The following VCAN variants were observed in gnomAD, a reference collection of about 807,000 sequenced individuals.
The protein encoded by VCAN is versican core protein.
In VCAN, 44 loss-of-function variants were observed where a neutral mutation model predicts 245.5. That is an observed-to-expected ratio of 0.18 (90% CI 0.14 to 0.23). The LOEUF is 0.23. Among genes scored for constraint, VCAN ranks in the 10% least tolerant of loss-of-function variants. VCAN has a pLI of 1.00. For synonymous variants in VCAN, 1,413 were observed against 1,437.0 expected, an observed-to-expected ratio of 0.98 and a Z score of 0.38; for missense variants, 3,793 against 4,057.9, an observed-to-expected ratio of 0.93 and a Z score of 1.77.
chr5:83,514,805 A>C (rs1045878998), intron 6 of VCAN, among the ~76,000 whole-genome samples: 1 of 152,104 alleles, frequency 6.6e-6, no homozygotes, highest in African/African-American at 2.4e-5. Context: ...AAAATGACTT[A>C]ATTGATGTCC....
chr5:83,581,418 G>GCATACATAA lies in VCAN; in HGVS notation c.*985_*993dup, dbSNP rs528925402. The GCATACATAA allele has an allele frequency of 6.2e-4, 94 of 151,466 alleles. No individual in the cohort carries two copies. Among genetic ancestry groups the GCATACATAA allele is most frequent in the African/African-American group, 2.2e-3 (90 of 41,246 alleles). 9.4% of individuals were successfully genotyped at this position (151,466 alleles called of 1,614,324 possible). A position where few individuals can be genotyped will look rare whatever the true frequency, so the allele number is the denominator to read the frequency against. On this transcript the variant is annotated 3_prime_UTR_variant, in exon 15 of 15. Coordinates refer to ENST00000265077, the MANE Select transcript of VCAN (RefSeq NM_004385.5). ...CATGTATGAATGCTGCAGCTGTGAA[G>GCATACATAA]CATACATAAATAAATGAAGTAAGCC...
chr5:83,490,258 T>C lies in VCAN; in HGVS notation c.231T>C (p.Asp77=), dbSNP rs764219060. ...SKIEVDKNGK[D]LKETTVLVAQ... is the part of the protein sequence containing the mutation. ...TTGAAGTGGACAAAAATGGAAAAGA[T>C]TTGAAAGAGACTACTGTCCTTGTGG... Residue 77 remains aspartate (D), a synonymous_variant, in exon 3 of 15, where the codon GAT becomes GAC. Transcript: ENST00000265077. 11 of 1,614,134 alleles carry C rather than the reference T, an allele frequency of 6.8e-6. No homozygotes were observed. Among genetic ancestry groups the C allele is most frequent in the African/African-American group, 1.3e-5 (1 of 75,034 alleles).
At chr5:83,517,968 A>G (rs1745921409) in intron 6 of VCAN, among the ~76,000 whole-genome samples, 1 of 152,182 alleles carries the variant, frequency 6.6e-6, no homozygotes, top group African/African-American at 2.4e-5. Flanking sequence ...ACATCATTTT[A>G]TGATTAAGTT....
At chr5:83,507,049 CAG>C (rs1235210569) in intron 5 of VCAN, among the ~76,000 whole-genome samples, 17 of 152,288 alleles carry the variant, frequency 1.1e-4, no homozygotes, top group East Asian at 3.9e-4. Context: ...GGTGGGGACA[CAG>C]CCAAATCATA....
Position 83,582,256 on chromosome 5 carries a change from T to C in VCAN, c.*1822T>C, listed in dbSNP as rs1333107122. The C allele has an allele frequency of 6.6e-6, 1 of 152,196 alleles. No homozygotes were observed. Among genetic ancestry groups the C allele is most frequent in the Non-Finnish European group, 1.5e-5 (1 of 68,030 alleles). 9.4% of individuals were successfully genotyped at this position (152,196 alleles called of 1,614,324 possible). A position where few individuals can be genotyped will look rare whatever the true frequency, so the allele number is the denominator to read the frequency against. On this transcript the variant is annotated 3_prime_UTR_variant, in exon 15 of 15. Transcript: ENST00000265077. ...TCTAAAATCTTTGTAACTTTTTATA[T>C]CTGCTTTTGTTTCACCAAAGAAACC... is the stretch of plus-strand genomic sequence containing the variant.
Position 83,520,202 on chromosome 5 carries a change from G to C in VCAN, c.1896G>C (p.Thr632=). The part of the protein sequence containing the change: ...WEERQTSGRI[T]EEFLGKYLST... ...AGAGACAAACTAGTGGTAGGATAAC[G>C]GAAGAGTTTCTTGGCAAATATCTGT... The change falls in exon 7 of 15, where the codon ACG becomes ACC. Residue 632 remains threonine, a synonymous_variant. Transcript: ENST00000265077. The C allele has an allele frequency of 6.2e-7, 1 of 1,613,956 alleles. No individual in the cohort carries two copies. The highest frequency in any genetic ancestry group is 8.5e-7 in the Non-Finnish European group (1 of 1,179,940).
chr5:83,533,784 T>C, intron 7 of VCAN, among the ~76,000 whole-genome samples: 1 of 152,134 alleles, frequency 6.6e-6, no homozygotes, highest in East Asian at 1.9e-4. Flanking sequence ...TAGTCTAAAA[T>C]GGCAAGGAAG....
In VCAN at chr5:83,538,920, A is replaced by G. The variant is rs1425874327; in HGVS notation, c.5917A>G (p.Thr1973Ala). ...TAGGGACACCCAGACTTCACCATCT[A>G]CAGTACCTACTTCAGTTCACATCAG... ...AFRDTQTSPS[T>A]VPTSVHISHI... The change falls in exon 8 of 15, where the codon ACA becomes GCA. Residue 1973 changes from threonine (T) to alanine (A), a missense_variant. Around this residue, in one of 5 missense-constraint regions of VCAN, gnomAD observed 3,182 missense variants for 3,250.3 expected, o/e 0.98. Coordinates refer to ENST00000265077, the MANE Select transcript of VCAN (RefSeq NM_004385.5). 1 of 1,613,994 alleles carries G rather than the reference A, an allele frequency of 6.2e-7. No individual in the cohort carries two copies. Among genetic ancestry groups the G allele is most frequent in the Admixed American group, 1.7e-5 (1 of 59,970 alleles).
intron 2 of VCAN, among the ~76,000 whole-genome samples, chr5:83,489,477 G>A (rs1744897801): frequency 6.6e-6 from 1 of 152,184 alleles, no homozygotes; most frequent in African/African-American, 2.4e-5. Context: ...TGAAGGTAAT[G>A]TCTCACTGCA....
chr5:83,544,031 T>C (rs1346445847), intron 8 of VCAN, among the ~76,000 whole-genome samples: 1 of 152,226 alleles, frequency 6.6e-6, no homozygotes, highest in Admixed American at 6.5e-5. Context: ...GTGTCAGTGG[T>C]AGGAATAGTA....
intron 10 of VCAN, among the ~76,000 whole-genome samples, chr5:83,549,442 G>A (rs1468687676): frequency 6.6e-6 from 1 of 152,178 alleles, no homozygotes. Flanking sequence ...GAAAAAAAGT[G>A]ATGTGTTTAA....
At chr5:83,566,954 T>C (rs1748103018) in intron 12 of VCAN, among the ~76,000 whole-genome samples, 1 of 152,222 alleles carries the variant, frequency 6.6e-6, no homozygotes. Flanking sequence ...CTCTAGTTTG[T>C]GAAGAGAAAC....
chr5:83,565,906 G>GAAA (rs34205964), intron 12 of VCAN, among the ~76,000 whole-genome samples: 11 of 147,900 alleles, frequency 7.4e-5, no homozygotes, highest in Non-Finnish European at 9.0e-5. Flanking sequence ...TTAACACAAG[G>GAAA]AAAAAAAAAC....
At chr5:83,547,879 C>T (rs1020340312) in intron 9 of VCAN, 92 bp from the exon 10 acceptor site, 10 of 854,600 alleles carry the variant, frequency 1.2e-5, no homozygotes, top group Non-Finnish European at 1.8e-5. Flanking sequence ...ATTTAACTGG[C>T]TGTCTTGTAT....
At chr5:83,513,705 G>A (rs1442312755) in intron 6 of VCAN, among the ~76,000 whole-genome samples, 1 of 152,094 alleles carries the variant, frequency 6.6e-6, no homozygotes, top group African/African-American at 2.4e-5. Context: ...AACAACAATA[G>A]CATAAACCTT....
chr5:83,547,763 A>T (rs1036727711), intron 9 of VCAN, among the ~76,000 whole-genome samples: 22 of 152,316 alleles, frequency 1.4e-4, no homozygotes, highest in African/African-American at 5.1e-4. Flanking sequence ...CTTATATTTG[A>T]GTTTCAAGTA....
At position 83,541,550 on chromosome 5, in the gene VCAN, G is replaced by C; in HGVS notation, c.8547G>C (p.Leu2849=). 1 of 1,613,824 alleles carries C rather than the reference G, an allele frequency of 6.2e-7. No individual in the cohort carries two copies. The highest frequency in any genetic ancestry group is 8.5e-7 in the Non-Finnish European group (1 of 1,179,984). ...CAGAGATCCCCCAGCCCAGTGCTCT[G>C]CCAGGAATAGACGTCGGCTCATCTG... ...GHTEIPQPSA[L]PGIDVGSSVM... The change falls in exon 8 of 15, where the codon CTG becomes CTC. Residue 2849 remains leucine, a synonymous_variant. Transcript: ENST00000265077.
Position 83,539,636 on chromosome 5 carries a change from A to G in VCAN, c.6633A>G (p.Leu2211=). ...CACATTTTTTCTTAGCTACTGCATT[A>G]GTAACTGAATCTATACCAGCTGAAC... ...EKSHFFLATA[L]VTESIPAEHV... is the part of the protein sequence containing the mutation. Residue 2211 remains leucine (L), a synonymous_variant, in exon 8 of 15, where the codon TTA becomes TTG. Coordinates refer to ENST00000265077, the MANE Select transcript of VCAN (RefSeq NM_004385.5). 1 of 1,614,050 alleles carries G rather than the reference A, an allele frequency of 6.2e-7. No individual in the cohort carries two copies. The highest frequency in any genetic ancestry group is 8.5e-7 in the Non-Finnish European group (1 of 1,179,992).
At chr5:83,529,048 AC>A (rs942623760) in intron 7 of VCAN, among the ~76,000 whole-genome samples, 26 of 151,858 alleles carry the variant, frequency 1.7e-4, no homozygotes, top group African/African-American at 6.0e-4. Flanking sequence ...ACACATATAT[AC>A]AGGTAATATA....
Sources: gnomAD v4.1 joint callset for allele counts (sites outside exome capture counted in the v4.1 genomes callset) on GRCh38, gnomAD v4.1.1 for gene constraint, gnomAD v4.1.1 regional missense constraint, MANE v1.5 for transcripts, NCBI Gene and HGNC (gene_info 2026-07-23, HGNC 2026-07-21) for gene names.